NCAPH2: variants seen among roughly 807,000 people sequenced by gnomAD.
NCAPH2 encodes condensin-2 complex subunit H2.
Under a neutral mutation model 88.6 loss-of-function variants are expected in NCAPH2, and 56 were observed. That is an observed-to-expected ratio of 0.63 (90% CI 0.51 to 0.79). The LOEUF (loss-of-function observed/expected upper bound fraction) is 0.79, where lower values mean the gene tolerates loss of function less well. Among genes scored for constraint, NCAPH2 ranks in the 30% least tolerant of loss-of-function variants. The pLI is 0.00. For missense variants in NCAPH2, 794 were observed against 792.0 expected (o/e 1.00, Z -0.03); for synonymous variants, 378 against 313.6 (o/e 1.21, Z -2.17).
At chr22:50,517,886 G>A (rs2068972750) in intron 5 of NCAPH2, 77 bp downstream of exon 5, 12 of 1,602,960 alleles carry the variant, frequency 7.5e-6, no homozygotes, top group South Asian at 3.3e-5. Context: ...CTGATGGGGT[G>A]TGGGAAGGTG....
At position 50,524,632 on chromosome 22, in the gene NCAPH2, T is replaced by C; in HGVS notation, c.*1257T>C. 2 of 700,634 alleles carry C rather than the reference T, an allele frequency of 2.9e-6. No homozygotes were observed. The highest frequency in any genetic ancestry group is 5.3e-6 in the Non-Finnish European group (2 of 375,188). The allele number at this position is 700,634 out of a possible 1,614,324, so 43.4% of individuals were successfully genotyped here. On this transcript the variant is annotated 3_prime_UTR_variant, in exon 20 of 20. Coordinates refer to ENST00000420993, the MANE Select transcript of NCAPH2 (RefSeq NM_152299.4). ...AACCACACCTGTCACTCCTGTCCTC[T>C]ACCTGGGATCACCAGCCTGTCACCG...
chr22:50,508,891 C>A (rs916882354), intron 1 of NCAPH2, among the ~76,000 whole-genome samples: 4 of 152,182 alleles, frequency 2.6e-5, no homozygotes, highest in Non-Finnish European at 4.4e-5. Context: ...AGTGTTTCTT[C>A]CATGTTTGAC....
In NCAPH2 at chr22:50,523,315, G is replaced by C. The variant is rs761176751; in HGVS notation, c.1758G>C (p.Thr586=). 1 of 1,586,680 alleles carries C rather than the reference G, an allele frequency of 6.3e-7. No individual in the cohort carries two copies. Among genetic ancestry groups the C allele is most frequent in the South Asian group, 1.1e-5 (1 of 87,800 alleles). The part of the protein sequence containing the change: ...AVDTMSLRLL[T]HQRAHKRFQT... ...ACACCATGTCCCTGAGACTGCTCAC[G>C]CACCAGCGAGCGCACAAGCGCTTCC... is the stretch of plus-strand genomic sequence containing the variant. Residue 586 remains threonine, a synonymous_variant, in exon 20 of 20, where the codon ACG becomes ACC. Transcript: ENST00000420993.
chr22:50,522,819 A>G lies in NCAPH2; in HGVS notation c.1426-2A>G. On this transcript the variant is annotated splice_acceptor_variant, in intron 17 of 19. Coordinates refer to ENST00000420993, the MANE Select transcript of NCAPH2 (RefSeq NM_152299.4). LOFTEE classifies it high-confidence loss of function. ...CAGTAGCTCCTGCTGATCCTCCCCT[A>G]GGAGCTCTTCATCGCCACCTCCCAG... 6.2e-7 allele frequency: 1 copy of G among 1,613,180 alleles called. No individual in the cohort carries two copies. The highest frequency in any genetic ancestry group is 8.5e-7 in the Non-Finnish European group (1 of 1,179,894).
At chr22:50,512,053 T>C (rs911878594) in intron 1 of NCAPH2, among the ~76,000 whole-genome samples, 7 of 152,212 alleles carry the variant, frequency 4.6e-5, no homozygotes, top group Non-Finnish European at 7.3e-5. Context: ...TTGAAAGTGC[T>C]GGGATTGCAG....
chr22:50,511,285 CTTTTTT>C (rs910583115), intron 1 of NCAPH2, among the ~76,000 whole-genome samples: 24 of 109,654 alleles, frequency 2.2e-4, no homozygotes, highest in African/African-American at 1.2e-3. Flanking sequence ...GCCTCAGCCT[CTTTTTT>C]TTTTTTTTTT....
Position 50,523,149 on chromosome 22 carries a change from C to T in NCAPH2, c.1660C>T (p.Leu554=). 1 of 1,613,760 alleles carries T rather than the reference C, an allele frequency of 6.2e-7. No individual in the cohort carries two copies. The highest frequency in any genetic ancestry group is 8.5e-7 in the Non-Finnish European group (1 of 1,179,926). The change falls in exon 19 of 20, where the codon CTG becomes TTG. Residue 554 remains leucine (L), a synonymous_variant. Transcript: ENST00000420993. ...GGCCTTCGAGGTGTGTCGTTCCATG[C>T]TGGCCTCCCTGCAGCTGGTGAGTAG... is the stretch of plus-strand genomic sequence containing the variant. ...QPAFEVCRSM[L]ASLQLANDYT...
chr22:50,521,212 GT>G (rs2069080330), intron 10 of NCAPH2, among the ~76,000 whole-genome samples, 176 bp downstream of exon 10: 2 of 152,202 alleles, frequency 1.3e-5, no homozygotes, highest in South Asian at 4.1e-4. Flanking sequence ...CCTCTCTCTA[GT>G]GTTCCCCTCT....
chr22:50,515,758 G>A lies in NCAPH2; in HGVS notation c.109-689G>A, dbSNP rs756943098. 2.3e-5 allele frequency: 30 copies of A among 1,299,884 alleles called. No individual in the cohort carries two copies. The Admixed American group carries it at 2.3e-4, about 10-fold the overall frequency. The allele number at this position is 1,299,884 out of a possible 1,614,324, so 80.5% of individuals were successfully genotyped here. ...GAAGGAATACAGGAGATGAGCCAGC[G>A]TTGGGGAAGATGTTGGGTAAAGTAT... On this transcript the variant is annotated intron_variant, in intron 1 of 19. Transcript: ENST00000420993.
chr22:50,522,323 C>A lies in NCAPH2; in HGVS notation c.1234-20C>A. The A allele has an allele frequency of 1.2e-6, 2 of 1,603,516 alleles. No individual in the cohort carries two copies. Among genetic ancestry groups the A allele is most frequent in the South Asian group, 1.1e-5 (1 of 89,354 alleles). ...TGATGGGAGGTGACAGTGCCCCTCA[C>A]AGATGCTTTCTCTGGACAGGTGGCT... On this transcript the variant is annotated intron_variant, in intron 14 of 19. Coordinates refer to ENST00000420993, the MANE Select transcript of NCAPH2 (RefSeq NM_152299.4).
intron 1 of NCAPH2, among the ~76,000 whole-genome samples, chr22:50,512,167 C>G (rs1363640465): frequency 6.6e-6 from 1 of 152,270 alleles, no homozygotes; most frequent in Non-Finnish European, 1.5e-5. Context: ...AGGGACCATA[C>G]TTATGCCCTC....
In NCAPH2 at chr22:50,523,552, C is replaced by T. The variant is rs555239286; in HGVS notation, c.*177C>T. ...GCCTCCCTGGGCCGCTGGTACAGAT[C>T]ACACACACACACAGATTAAACGCAG... is the stretch of plus-strand genomic sequence containing the variant. On this transcript the variant is annotated 3_prime_UTR_variant, in exon 20 of 20. Transcript: ENST00000420993. 9.5e-5 allele frequency: 136 copies of T among 1,427,676 alleles called. 1 individual carries two copies. The South Asian group carries it at 1.5e-3, about 16-fold the overall frequency. The allele number at this position is 1,427,676 out of a possible 1,614,324, so 88.4% of individuals were successfully genotyped here.
Position 50,518,189 on chromosome 22 carries a change from C to T in NCAPH2, c.557C>T (p.Pro186Leu), listed in dbSNP as rs2068982790. Reference protein sequence around the residue: ...RKDFRMNTCVPHPRGAFMLEP... With the variant: ...RKDFRMNTCVLHPRGAFMLEP... ...GATTTCAGGATGAACACGTGCGTTC[C>T]CCACCCCAGAGGGGCCTTCATGTTG... Residue 186 changes from proline to leucine, a missense_variant, in exon 7 of 20, where the codon CCC becomes CTC. Coordinates refer to ENST00000420993, the MANE Select transcript of NCAPH2 (RefSeq NM_152299.4). 8.1e-6 allele frequency: 13 copies of T among 1,614,096 alleles called. No homozygotes were observed. Among genetic ancestry groups the T allele is most frequent in the Non-Finnish European group, 1.1e-5 (13 of 1,180,022 alleles).
intron 9 of NCAPH2, 51 bp downstream of exon 9, chr22:50,519,371 T>TGGCTCTGGGGCC: frequency 6.2e-7 from 1 of 1,603,936 alleles, no homozygotes; most frequent in African/African-American, 1.3e-5. Flanking sequence ...CTGGCAACCC[T>TGGCTCTGGGGCC]GGCTCTGGGG....
rs745695877 is a variant in NCAPH2 at position 50,517,653 on chromosome 22, G to C, written c.343G>C (p.Glu115Gln). ...CAGCTCCGGGGTCCCCCAGGAGGCAGAGAATGAGGTGAGTTTCTTTGGCAT... is the reference window on the plus strand; with the variant it reads ...CAGCTCCGGGGTCCCCCAGGAGGCACAGAATGAGGTGAGTTTCTTTGGCAT... The part of the protein sequence containing the change: ...VASSGVPQEA[E>Q]NEFLSLDDFP... Residue 115 changes from glutamate to glutamine, a missense_variant, in exon 4 of 20, where the codon GAG (glutamate) becomes CAG (glutamine). Glu to Gln is a conservative substitution (Grantham distance 29, BLOSUM62 2). This residue lies in a region of NCAPH2 where 735 missense variants were observed against 696.3 expected (regional missense o/e 1.06). Coordinates refer to ENST00000420993, the MANE Select transcript of NCAPH2 (RefSeq NM_152299.4). 5.0e-6 allele frequency: 8 copies of C among 1,614,066 alleles called. No individual in the cohort carries two copies. In the South Asian group the frequency reaches 7.7e-5, roughly 16 times the overall value.
chr22:50,512,988 T>C (rs900663489), intron 1 of NCAPH2, among the ~76,000 whole-genome samples: 2 of 152,242 alleles, frequency 1.3e-5, no homozygotes, highest in African/African-American at 4.8e-5. Flanking sequence ...ATCCCCACTA[T>C]GGTAGGACTT....
chr22:50,516,972 C>T (rs2068941802), intron 2 of NCAPH2, among the ~76,000 whole-genome samples: 2 of 152,186 alleles, frequency 1.3e-5, no homozygotes, highest in South Asian at 4.1e-4. Flanking sequence ...CCTGCAGGCC[C>T]CGTGGCGGCA....
chr22:50,518,405 G>A (rs2068989820), intron 7 of NCAPH2, 127 bp downstream of exon 7: 2 of 1,364,592 alleles, frequency 1.5e-6, no homozygotes, highest in East Asian at 2.4e-5. Flanking sequence ...GCCTGCTCTA[G>A]TCTAGACAGG....
chr22:50,508,449 A>AGGGCGGCGGGGGAGTGACGCGGGGTG lies in NCAPH2; in HGVS notation c.108+7_108+32dup, dbSNP rs2068685569. ...GCTGGGCGAGTATCTGGAGGAGGTAAGGGCGGCGGGGGAGTGACGCGGGGT... is the reference window on the plus strand; with the variant it reads ...GCTGGGCGAGTATCTGGAGGAGGTAAGGGCGGCGGGGGAGTGACGCGGGGTGGGGCGGCGGGGGAGTGACGCGGGGT... On this transcript the variant is annotated splice_donor_region_variant and intron_variant, in intron 1 of 19. Coordinates refer to ENST00000420993, the MANE Select transcript of NCAPH2 (RefSeq NM_152299.4). The AGGGCGGCGGGGGAGTGACGCGGGGTG allele has an allele frequency of 1.9e-6, 1 of 530,486 alleles. No individual in the cohort carries two copies. Among genetic ancestry groups the AGGGCGGCGGGGGAGTGACGCGGGGTG allele is most frequent in the Non-Finnish European group, 2.4e-6 (1 of 420,922 alleles). 32.9% of individuals were successfully genotyped at this position (530,486 alleles called of 1,614,324 possible).
Sources: gnomAD v4.1 joint callset for allele counts (sites outside exome capture counted in the v4.1 genomes callset) on GRCh38, gnomAD v4.1.1 for gene constraint, gnomAD v4.1.1 regional missense constraint, MANE v1.5 for transcripts, NCBI Gene and HGNC (gene_info 2026-07-23, HGNC 2026-07-21) for gene names.